Variants in STX8 observed in about 807,000 individuals in gnomAD.
The protein encoded by STX8 is syntaxin-8.
In STX8, 23 loss-of-function variants were observed where a neutral mutation model predicts 37.5. The observed-to-expected ratio is 0.61, with a 90% CI of 0.44 to 0.87. STX8 has a LOEUF of 0.87. STX8 is among the 40% of genes least tolerant of loss of function. The probability of loss-of-function intolerance (pLI) is 0.00; values close to 1 mark genes in which losing one functional copy is unlikely to be tolerated. For synonymous variants in STX8, 115 were observed against 99.1 expected, an observed-to-expected ratio of 1.16 and a Z score of -0.95; for missense variants, 313 against 284.7, an observed-to-expected ratio of 1.10 and a Z score of -0.71.
intron 6 of STX8, among the ~76,000 whole-genome samples, chr17:9,429,354 ATATAT>A (rs1205187487): frequency 3.4e-5 from 5 of 145,478 alleles, no homozygotes; most frequent in Non-Finnish European, 6.0e-5. Context: ...TTTATATATA[ATATAT>A]AATAAATATT....
intron 6 of STX8, among the ~76,000 whole-genome samples, chr17:9,485,946 G>C (rs763385369): frequency 1.3e-5 from 2 of 152,164 alleles, no homozygotes; most frequent in Non-Finnish European, 2.9e-5. Context: ...CAGAAAAACA[G>C]AGGGAAGGAA....
chr17:9,308,617 G>A (rs1286590097), intron 7 of STX8, among the ~76,000 whole-genome samples: 2 of 151,722 alleles, frequency 1.3e-5, no homozygotes, highest in African/African-American at 2.4e-5. Context: ...CAGCTACTTC[G>A]GAGGCTGAGG....
intron 6 of STX8, among the ~76,000 whole-genome samples, chr17:9,472,880 G>A (rs1050182583): frequency 8.5e-5 from 13 of 152,250 alleles, no homozygotes; most frequent in African/African-American, 2.4e-4. Flanking sequence ...GCGTGGCCAG[G>A]GTCAAGACCA....
chr17:9,575,798 T>C lies in STX8; in HGVS notation c.11A>G (p.Asp4Gly). The change falls in exon 1 of 8, where the codon GAC becomes GGC. Residue 4 changes from aspartate (D) to glycine (G), a missense_variant. Asp to Gly is a moderately conservative substitution (Grantham distance 94). Transcript: ENST00000306357. Reference sequence around the variant, plus strand: ...GCCCTCACCCGGGACTCACCAGGGGTCCGGTGCCATCCTGCAGACTCCGCC... The same window carrying C: ...GCCCTCACCCGGGACTCACCAGGGGCCCGGTGCCATCCTGCAGACTCCGCC... MAP[D>G]PWFSTYDSTC... 6.5e-7 allele frequency: 1 copy of C among 1,541,180 alleles called. No individual in the cohort carries two copies. Among genetic ancestry groups the C allele is most frequent in the South Asian group, 1.2e-5 (1 of 83,832 alleles).
chr17:9,420,656 C>T (rs754562647), intron 6 of STX8, among the ~76,000 whole-genome samples: 3 of 152,188 alleles, frequency 2.0e-5, no homozygotes, highest in Non-Finnish European at 4.4e-5. Flanking sequence ...GTTAAGTCTA[C>T]AATTCTGCCC....
intron 7 of STX8, among the ~76,000 whole-genome samples, chr17:9,302,078 T>C (rs1426659237): frequency 6.6e-6 from 1 of 152,226 alleles, no homozygotes; most frequent in African/African-American, 2.4e-5. Flanking sequence ...TTGGGGAGGA[T>C]AATTCTTTGT....
At chr17:9,357,621 A>G (rs1288027169) in intron 7 of STX8, among the ~76,000 whole-genome samples, 3 of 152,108 alleles carry the variant, frequency 2.0e-5, no homozygotes, top group Non-Finnish European at 4.4e-5. Context: ...TCTTGTGCCC[A>G]GGAGGTTGAG....
chr17:9,350,770 T>C (rs1167363672), intron 7 of STX8, among the ~76,000 whole-genome samples: 1 of 152,148 alleles, frequency 6.6e-6, no homozygotes, highest in Admixed American at 6.5e-5. Context: ...TGACCTCGGG[T>C]GATCCACCCG....
intron 7 of STX8, among the ~76,000 whole-genome samples, chr17:9,327,365 G>C (rs531295321): frequency 1.1e-4 from 16 of 149,616 alleles, no homozygotes; most frequent in Admixed American, 6.7e-4. Context: ...GAGAGGGAGA[G>C]GGAGAAGGAG....
At chr17:9,291,276 GTCCACTAAAAACACAAAACA>G (rs1908303011) in intron 7 of STX8, among the ~76,000 whole-genome samples, 1 of 151,912 alleles carries the variant, frequency 6.6e-6, no homozygotes, top group African/African-American at 2.4e-5. Flanking sequence ...GAAACCTCGT[GTCCACTAAAAACACAAAACA>G]TTAGCTGGGT....
At chr17:9,253,685 C>T (rs1597565526) in intron 7 of STX8, among the ~76,000 whole-genome samples, 4 of 152,236 alleles carry the variant, frequency 2.6e-5, no homozygotes, top group Admixed American at 2.6e-4. Context: ...GCTCCTGAAG[C>T]TCCAGTGGGA....
chr17:9,469,881 C>T (rs1483533189), intron 6 of STX8: 1 of 152,138 alleles, frequency 6.6e-6, no homozygotes, highest in African/African-American at 2.4e-5. Flanking sequence ...TCAAATGACC[C>T]AAGGGAGTAC....
intron 7 of STX8, among the ~76,000 whole-genome samples, chr17:9,272,901 G>A (rs1907522492): frequency 1.3e-5 from 2 of 152,102 alleles, no homozygotes; most frequent in South Asian, 4.2e-4. Flanking sequence ...CACTCTCCGC[G>A]CCATTCCTTG....
intron 7 of STX8, among the ~76,000 whole-genome samples, chr17:9,271,765 A>AAAAG (rs1301862439): frequency 1.3e-4 from 20 of 151,144 alleles, no homozygotes; most frequent in African/African-American, 3.2e-4. Flanking sequence ...AAAAAAAAAA[A>AAAAG]AAAGAAAGAA....
intron 7 of STX8, among the ~76,000 whole-genome samples, chr17:9,295,391 A>G (rs564245308): frequency 6.6e-6 from 1 of 152,356 alleles, no homozygotes; most frequent in South Asian, 2.1e-4. Flanking sequence ...TGTAGCAGAC[A>G]TTCAATAATT....
At chr17:9,395,849 C>G (rs1398380612) in intron 6 of STX8, among the ~76,000 whole-genome samples, 3 of 152,120 alleles carry the variant, frequency 2.0e-5, no homozygotes, top group African/African-American at 7.2e-5. Context: ...ACAATTAGTC[C>G]TCCCAGATGA....
intron 1 of STX8, 87 bp downstream of exon 1, chr17:9,575,705 C>T (rs918931399): frequency 6.8e-7 from 1 of 1,481,108 alleles, no homozygotes; most frequent in African/African-American, 1.4e-5. Context: ...AGGCCACCAG[C>T]GGCAATGCGA....
intron 2 of STX8, among the ~76,000 whole-genome samples, chr17:9,564,424 T>C (rs867431400): frequency 5.6e-4 from 85 of 152,166 alleles, no homozygotes; most frequent in African/African-American, 2.0e-3. Flanking sequence ...AAACTATTCC[T>C]GTTTGCAGAC....
intron 6 of STX8, among the ~76,000 whole-genome samples, chr17:9,437,090 C>T (rs143801135): frequency 6.6e-6 from 1 of 152,128 alleles, no homozygotes; most frequent in African/African-American, 2.4e-5. Flanking sequence ...ACAATGAAAC[C>T]ACGACTATAA....
Sources: gnomAD v4.1 joint callset for allele counts (sites outside exome capture counted in the v4.1 genomes callset) on GRCh38, gnomAD v4.1.1 for gene constraint, MANE v1.5 for transcripts, NCBI Gene and HGNC (gene_info 2026-07-23, HGNC 2026-07-21) for gene names.